Variants in FEV observed in about 807,000 individuals in gnomAD.
FEV encodes protein FEV.
FEV carries 14 observed loss-of-function variants against 20.5 expected under a neutral mutation model. That is an observed-to-expected ratio of 0.68 (90% CI 0.45 to 1.07). The LOEUF (loss-of-function observed/expected upper bound fraction) is 1.07. FEV is among the 50% of genes least tolerant of loss of function. The pLI, the probability that FEV is intolerant of heterozygous loss-of-function variation, is 0.00. For missense variants in FEV, 301 were observed against 345.3 expected (o/e 0.87, Z 1.02); for synonymous variants, 188 against 163.7 (o/e 1.15, Z -1.13).
chr2:218,985,000 C>T lies in FEV; in HGVS notation c.52+24G>A. On this transcript the variant is annotated intron_variant, in intron 1 of 2. Coordinates refer to ENST00000295727, the MANE Select transcript of FEV (RefSeq NM_017521.3). The surrounding 1 kb of genome is among the most constrained non-coding windows in gnomAD (Gnocchi z 5.0). ...TTCCCGCCCCAGGTTCCGGTGCCAC[C>T]AGCCTCCGGCTGGTCCCTGGTACCT... 1.3e-6 allele frequency: 2 copies of T among 1,549,548 alleles called. No individual in the cohort carries two copies. The highest frequency in any genetic ancestry group is 1.4e-5 in the African/African-American group (1 of 73,136).
Sources: gnomAD v4.1 joint callset for allele counts on GRCh38, gnomAD v4.1.1 for gene constraint, Gnocchi (gnomAD v3.1) non-coding constraint, MANE v1.5 for transcripts, NCBI Gene and HGNC (gene_info 2026-07-23, HGNC 2026-07-21) for gene names.